ZNF385D: variants seen among roughly 807,000 people sequenced by gnomAD.
ZNF385D encodes zinc finger protein 385D.
A neutral mutation model predicts 35.8 loss-of-function variants in ZNF385D; 15 were observed. That is an observed-to-expected ratio of 0.42 (90% CI 0.28 to 0.64). The LOEUF is 0.64. Among genes scored for constraint, ZNF385D ranks in the 30% least tolerant of loss-of-function variants. The pLI, the probability that ZNF385D is intolerant of heterozygous loss-of-function variation, is 0.23. For synonymous variants in ZNF385D, 212 were observed against 186.8 expected (o/e 1.13, Z -1.10); for missense variants, 474 against 494.6 (o/e 0.96, Z 0.39).
At chr3:22,135,025 A>C (rs1263271240) in intron 3 of ZNF385D, among the ~76,000 whole-genome samples, 1 of 152,178 alleles carries the variant, frequency 6.6e-6, no homozygotes, top group African/African-American at 2.4e-5. Flanking sequence ...ATATCCTTTG[A>C]TCATAAGAGA....
chr3:21,669,462 A>G (rs150191388), intron 1 of ZNF385D, among the ~76,000 whole-genome samples: 72 of 152,360 alleles, frequency 4.7e-4, no homozygotes, highest in African/African-American at 1.7e-3. Context: ...TAACTTGTGA[A>G]TATGAAAAAA....
In ZNF385D at chr3:22,096,452, T is replaced by C. The variant is rs188384418; in HGVS notation, c.325+72365A>G. The stretch of plus-strand genomic sequence containing the variant: ...AAACAGAAAAAATACTAATTGGCTA[T>C]AGTCAAAATTTGATTTAAAAATATA... On this transcript the variant is annotated intron_variant, in intron 3 of 5. Transcript: ENST00000494108. 1.8e-3 allele frequency among the ~76,000 whole-genome samples: 272 copies of C among 152,232 alleles called. 1 individual carries two copies. The highest frequency in any genetic ancestry group is 6.1e-3 in the African/African-American group (253 of 41,574).
At chr3:21,863,715 G>A (rs1211796844) in intron 3 of ZNF385D, among the ~76,000 whole-genome samples, 4 of 152,124 alleles carry the variant, frequency 2.6e-5, no homozygotes, top group African/African-American at 9.6e-5. Context: ...TGCAAAGAAA[G>A]ACAGTTGAAT....
chr3:21,710,532 T>C (rs966335107), intron 1 of ZNF385D, among the ~76,000 whole-genome samples: 16 of 152,216 alleles, frequency 1.1e-4, no homozygotes, highest in Middle Eastern at 3.2e-3. Flanking sequence ...ACAATGCATA[T>C]TGGTGAGCAG....
intron 3 of ZNF385D, among the ~76,000 whole-genome samples, chr3:21,801,029 T>C (rs2072375468): frequency 6.6e-6 from 1 of 152,158 alleles, no homozygotes. Flanking sequence ...CCTTTTATTC[T>C]TAATTTGAAT....
intron 5 of ZNF385D, among the ~76,000 whole-genome samples, chr3:21,426,351 G>A (rs1199670537): frequency 2.0e-5 from 3 of 152,070 alleles, no homozygotes; most frequent in Non-Finnish European, 2.9e-5. Flanking sequence ...TATACACGAT[G>A]GATAACTGCT....
At chr3:21,660,186 T>C (rs188009623) in intron 2 of ZNF385D, among the ~76,000 whole-genome samples, 28 of 152,220 alleles carry the variant, frequency 1.8e-4, no homozygotes, top group Non-Finnish European at 3.4e-4. Context: ...GATAAAATCA[T>C]ATTATACAGA....
rs558561545 is a variant in ZNF385D at position 22,240,013 on chromosome 3, C to CA, written c.107-70979dup. On this transcript the variant is annotated intron_variant, in intron 2 of 5. Coordinates refer to the ZNF385D transcript ENST00000494108. Reference sequence around the variant, plus strand: ...GCAACATGGCAAAACCCAGTCTCTACAAAAAAAAAAATACAAAATATTACC... The same window carrying CA: ...GCAACATGGCAAAACCCAGTCTCTACAAAAAAAAAAAATACAAAATATTACC... Among the ~76,000 whole-genome samples, 866 of 137,208 alleles carry CA rather than the reference C, an allele frequency of 6.3e-3. 35 individuals are homozygous for CA. The highest frequency in any genetic ancestry group is 0.019 in the African/African-American group (701 of 36,838). The allele number at this position is 137,208 out of a possible 152,430, so 90.0% of individuals were successfully genotyped here. A position where few individuals can be genotyped will look rare whatever the true frequency, so the allele number is the denominator to read the frequency against.
At chr3:22,198,998 T>C (rs373027565) in intron 2 of ZNF385D, among the ~76,000 whole-genome samples, 4 of 152,098 alleles carry the variant, frequency 2.6e-5, no homozygotes, top group Admixed American at 1.3e-4. Flanking sequence ...TCTACTACTG[T>C]TTAATAAGTC....
At chr3:21,729,254 G>A (rs185395139) in intron 1 of ZNF385D, among the ~76,000 whole-genome samples, 3 of 152,154 alleles carry the variant, frequency 2.0e-5, no homozygotes, top group Admixed American at 2.0e-4. Flanking sequence ...TATAAGCAAC[G>A]AAAATTTTAA....
intron 2 of ZNF385D, among the ~76,000 whole-genome samples, chr3:22,335,674 T>C (rs112989260): frequency 0.011 from 1,627 of 152,266 alleles, 27 homozygotes; most frequent in African/African-American, 0.037. Context: ...CTGAAGAGCA[T>C]TGACATATAT....
At chr3:21,747,952 T>G (rs1178904634) in intron 1 of ZNF385D, among the ~76,000 whole-genome samples, 1 of 152,152 alleles carries the variant, frequency 6.6e-6, no homozygotes, top group African/African-American at 2.4e-5. Flanking sequence ...TTTCCCTTGC[T>G]TTTACAGTAA....
At chr3:22,164,960 A>G (rs950541030) in intron 3 of ZNF385D, among the ~76,000 whole-genome samples, 1 of 152,224 alleles carries the variant, frequency 6.6e-6, no homozygotes, top group Non-Finnish European at 1.5e-5. Context: ...ATATTCTGAA[A>G]AAGTCAAAAC....
intron 3 of ZNF385D, among the ~76,000 whole-genome samples, chr3:21,924,517 G>T (rs1324986783): frequency 6.6e-6 from 1 of 152,120 alleles, no homozygotes; most frequent in Admixed American, 6.5e-5. Flanking sequence ...TCAAAAAATT[G>T]TGGCCCCAAC....
At chr3:21,779,560 T>C (rs2071414303) in intron 3 of ZNF385D, among the ~76,000 whole-genome samples, 1 of 151,964 alleles carries the variant, frequency 6.6e-6, no homozygotes, top group Admixed American at 6.6e-5. Context: ...GTTTATACAA[T>C]AGGTGTTTCT....
At chr3:22,116,622 A>C (rs1203194813) in intron 3 of ZNF385D, among the ~76,000 whole-genome samples, 1 of 152,134 alleles carries the variant, frequency 6.6e-6, no homozygotes, top group Non-Finnish European at 1.5e-5. Context: ...ATTTGAATGT[A>C]AGCTTTCTAA....
chr3:22,139,155 A>C (rs1704337144), intron 3 of ZNF385D, among the ~76,000 whole-genome samples: 1 of 152,122 alleles, frequency 6.6e-6, no homozygotes, highest in South Asian at 2.1e-4. Flanking sequence ...GAACACTTTT[A>C]CACTGTTGGT....
intron 2 of ZNF385D, among the ~76,000 whole-genome samples, chr3:22,177,903 A>G (rs1694945134): frequency 6.6e-6 from 1 of 152,204 alleles, no homozygotes; most frequent in African/African-American, 2.4e-5. Context: ...GTCCCTACAA[A>G]GAACATGAAC....
At position 22,273,028 on chromosome 3, in the gene ZNF385D, A is replaced by C. The variant is rs114249322; in HGVS notation, c.106+99422T>G. ...ATGCTTTTATGCTATAACTAGGATC[A>C]TTATTTAACTCACAAATTTTAAAAA... On this transcript the variant is annotated intron_variant, in intron 2 of 5. Coordinates refer to the ZNF385D transcript ENST00000494108. 4.7e-3 allele frequency among the ~76,000 whole-genome samples: 712 copies of C among 150,254 alleles called. 5 individuals carry two copies. The highest frequency in any genetic ancestry group is 0.017 in the African/African-American group (668 of 39,770).
Sources: gnomAD v4.1 joint callset for allele counts (sites outside exome capture counted in the v4.1 genomes callset) on GRCh38, gnomAD v4.1.1 for gene constraint, MANE v1.5 for transcripts, NCBI Gene and HGNC (gene_info 2026-07-23, HGNC 2026-07-21) for gene names.